RTEL1: variants seen among roughly 807,000 people sequenced by gnomAD.
RTEL1 encodes the protein regulator of telomere elongation helicase 1, also known as regulator of telomere length.
RTEL1 carries 86 observed loss-of-function variants against 162.2 expected under a neutral mutation model. The observed-to-expected ratio is 0.53, with a 90% CI of 0.45 to 0.63. The LOEUF (loss-of-function observed/expected upper bound fraction) is 0.63. Ranked by LOEUF, RTEL1 falls within the 30% of genes least tolerant of loss-of-function variation. The pLI is 0.00. For missense variants in RTEL1, 1,941 were observed against 1,750.2 expected (o/e 1.11, Z -1.95); for synonymous variants, 958 against 717.9 (o/e 1.33, Z -5.35).
intron 16 of RTEL1, chr20:63,686,102 C>T (rs536309979): frequency 3.4e-6 from 2 of 583,432 alleles, no homozygotes; most frequent in East Asian, 5.7e-5. Flanking sequence ...CCAGAGTCAC[C>T]TGGTTGGTGG....
intron 10 of RTEL1, among the ~76,000 whole-genome samples, chr20:63,676,895 ATT>A: frequency 7.8e-6 from 1 of 128,174 alleles, no homozygotes; most frequent in Non-Finnish European, 1.7e-5. Flanking sequence ...AGATCGCACC[ATT>A]GCACTCCAGC....
At chr20:63,690,551 T>C (rs1034254437) in intron 26 of RTEL1, 110 bp downstream of exon 26, 10 of 1,336,438 alleles carry the variant, frequency 7.5e-6, no homozygotes, top group Non-Finnish European at 9.9e-6. Context: ...CTTTGTGCGC[T>C]TCCCCTCCCA....
chr20:63,662,770 C>A (rs1417399920), intron 5 of RTEL1, 59 bp from the exon 6 acceptor site: 2 of 1,604,890 alleles, frequency 1.2e-6, no homozygotes, highest in African/African-American at 2.7e-5. Flanking sequence ...GGGGTGGGGA[C>A]TGGCTTCGGT....
At chr20:63,678,376 G>A (rs765221618) in intron 12 of RTEL1, 30 bp downstream of exon 12, 3 of 1,588,896 alleles carry the variant, frequency 1.9e-6, no homozygotes, top group Middle Eastern at 2.0e-4. Flanking sequence ...CCCCTTCACT[G>A]CAGGCCCAGC....
At chr20:63,681,881 A>C in intron 14 of RTEL1, 1 of 985,096 alleles carries the variant, frequency 1.0e-6, no homozygotes, top group Non-Finnish European at 1.2e-6. Flanking sequence ...TCCCAGGCCC[A>C]GACCCCTCTG....
At chr20:63,686,173 G>T (rs187880917) in intron 16 of RTEL1, 2 of 482,064 alleles carry the variant, frequency 4.1e-6, no homozygotes, top group Non-Finnish European at 7.6e-6. Context: ...TGCCGAGGCC[G>T]TCAGCACAGA....
chr20:63,692,398 G>T (rs1019146795), intron 28 of RTEL1: 1 of 279,932 alleles, frequency 3.6e-6, no homozygotes, highest in Non-Finnish European at 6.9e-6. Context: ...TGTTGGTCTG[G>T]GGTGTGTAGA....
intron 16 of RTEL1, chr20:63,686,954 AG>A: frequency 6.4e-6 from 1 of 155,450 alleles, no homozygotes; most frequent in Non-Finnish European, 1.4e-5. Context: ...CTCCTGGAGG[AG>A]GGGGTGGGGA....
intron 14 of RTEL1, among the ~76,000 whole-genome samples, chr20:63,683,071 C>T (rs984403230): frequency 1.3e-5 from 2 of 152,216 alleles, no homozygotes; most frequent in African/African-American, 4.8e-5. Flanking sequence ...CCAAGTGATC[C>T]TCTTGCCTCA....
Position 63,661,215 on chromosome 20 carries a change from C to A in RTEL1, c.103-83C>A. On this transcript the variant is annotated intron_variant, in intron 2 of 34. Coordinates refer to ENST00000360203, the MANE Select transcript of RTEL1 (RefSeq NM_001283009.2). This position sits in a 1 kb window ranked among gnomAD's most constrained non-coding sequence, Gnocchi z 5.1. ...GCATCTGCAAAGAGCTGCCCGCTGG[C>A]TGCCGAAGCTTGTCTCAGGGCAGCT... 1 of 1,325,786 alleles carries A rather than the reference C, an allele frequency of 7.5e-7. No homozygotes were observed. Among genetic ancestry groups the A allele is most frequent in the Non-Finnish European group, 1.1e-6 (1 of 945,476 alleles). The allele number at this position is 1,325,786 out of a possible 1,614,324, so 82.1% of individuals were successfully genotyped here. A position where few individuals can be genotyped will look rare whatever the true frequency, so the allele number is the denominator to read the frequency against.
chr20:63,672,905 C>G (rs1008384433), intron 9 of RTEL1, among the ~76,000 whole-genome samples: 8 of 152,238 alleles, frequency 5.3e-5, no homozygotes, highest in African/African-American at 1.9e-4. Flanking sequence ...CGGGGTCAGC[C>G]TGGGCCAGGG....
At chr20:63,676,567 A>G (rs191789764) in intron 10 of RTEL1, among the ~76,000 whole-genome samples, 18 of 152,320 alleles carry the variant, frequency 1.2e-4, no homozygotes, top group Admixed American at 9.8e-4. Flanking sequence ...GTCAGTTAGC[A>G]GGAATAACTT....
At chr20:63,673,552 C>G (rs2090287834) in intron 9 of RTEL1, among the ~76,000 whole-genome samples, 1 of 152,058 alleles carries the variant, frequency 6.6e-6, no homozygotes, top group Non-Finnish European at 1.5e-5. Context: ...CATCCTCCCA[C>G]CTCAGCCTCC....
chr20:63,665,043 T>C, intron 6 of RTEL1: 1 of 154,340 alleles, frequency 6.5e-6, no homozygotes, highest in Non-Finnish European at 1.4e-5. Context: ...GGGGTGTGCT[T>C]TTCCTCCCCT....
chr20:63,681,343 C>T, intron 14 of RTEL1: 2 of 985,364 alleles, frequency 2.0e-6, no homozygotes, highest in Non-Finnish European at 2.4e-6. Context: ...GGGCACGTTG[C>T]CTCTCCGGGG....
chr20:63,693,489 A>ACGT (rs2090845508), intron 30 of RTEL1, among the ~76,000 whole-genome samples: 1 of 29,210 alleles, frequency 3.4e-5, no homozygotes, highest in Non-Finnish European at 6.3e-5. Flanking sequence ...CTCCACCACC[A>ACGT]CCTCCACCTC....
At chr20:63,679,485 C>T (rs1405852934) in intron 12 of RTEL1, among the ~76,000 whole-genome samples, 3 of 152,148 alleles carry the variant, frequency 2.0e-5, no homozygotes, top group Admixed American at 6.5e-5. Context: ...CCCCATCCCT[C>T]CCCTCTGACG....
intron 9 of RTEL1, 28 bp downstream of exon 9, chr20:63,672,649 C>T (rs1175372720): frequency 7.8e-6 from 12 of 1,543,280 alleles, no homozygotes; most frequent in Non-Finnish European, 1.1e-5. Flanking sequence ...TCCTAAACAC[C>T]TCCTATTGCT....
Position 63,695,889 on chromosome 20 carries a change from G to A in RTEL1, c.*31G>A, listed in dbSNP as rs549354972. 3.4e-5 allele frequency: 52 copies of A among 1,551,548 alleles called. No homozygotes were observed. The highest frequency in any genetic ancestry group is 1.5e-4 in the African/African-American group (11 of 73,682). The stretch of plus-strand genomic sequence containing the variant: ...CACGGAGGCCCCCAGCACACCCAAC[G>A]TGGCTTGATCACCTGCCTGTCCAGC... On this transcript the variant is annotated 3_prime_UTR_variant, in exon 35 of 35. Coordinates refer to ENST00000360203, the MANE Select transcript of RTEL1 (RefSeq NM_001283009.2).
Sources: gnomAD v4.1 joint callset for allele counts (sites outside exome capture counted in the v4.1 genomes callset) on GRCh38, gnomAD v4.1.1 for gene constraint, Gnocchi (gnomAD v3.1) non-coding constraint, MANE v1.5 for transcripts, NCBI Gene and HGNC (gene_info 2026-07-23, HGNC 2026-07-21) for gene names.